Variants in DLGAP2 observed in about 807,000 individuals in gnomAD.
The protein encoded by DLGAP2 is DLG associated protein 2.
In DLGAP2, 26 loss-of-function variants were observed where a neutral mutation model predicts 100.3. The ratio of observed to expected loss-of-function variants is 0.26; its 90% CI spans 0.19 to 0.36. The LOEUF is 0.36. DLGAP2 is among the 10% of genes least tolerant of loss of function. The probability of loss-of-function intolerance (pLI) is 1.00; values close to 1 mark genes in which losing one functional copy is unlikely to be tolerated. For synonymous variants in DLGAP2, 886 were observed against 630.1 expected (o/e 1.41, Z -6.08); for missense variants, 1,858 against 1,453.2 (o/e 1.28, Z -4.53).
chr8:1,545,337 C>A (rs1451542370), intron 4 of DLGAP2, among the ~76,000 whole-genome samples: 1 of 152,198 alleles, frequency 6.6e-6, no homozygotes, highest in African/African-American at 2.4e-5. Flanking sequence ...GTTATACTTA[C>A]AATATGCTAT....
intron 2 of DLGAP2, among the ~76,000 whole-genome samples, chr8:1,190,784 GTGCA>G: frequency 6.6e-6 from 1 of 152,006 alleles, no homozygotes; most frequent in South Asian, 2.1e-4. Flanking sequence ...CAGGTTCCAG[GTGCA>G]CGCAGCAGCA....
At chr8:1,634,084 C>T (rs865930289) in intron 8 of DLGAP2, among the ~76,000 whole-genome samples, 1 of 152,180 alleles carries the variant, frequency 6.6e-6, no homozygotes, top group Admixed American at 6.5e-5. Flanking sequence ...ATAGTAGAGT[C>T]TGTGGATGGA....
At chr8:1,668,184 C>T in intron 8 of DLGAP2, 145 bp from the exon 9 acceptor site, 2 of 669,002 alleles carry the variant, frequency 3.0e-6, no homozygotes, top group Non-Finnish European at 2.5e-6. Context: ...TCTCACTGTC[C>T]CCTCATTTCA....
intron 1 of DLGAP2, among the ~76,000 whole-genome samples, chr8:809,280 T>C (rs141316875): frequency 6.6e-6 from 1 of 152,322 alleles, no homozygotes; most frequent in East Asian, 1.9e-4. Flanking sequence ...TACTGTTGTT[T>C]AATGTCCAAA....
chr8:1,216,186 G>A (rs1220245204), intron 2 of DLGAP2, among the ~76,000 whole-genome samples: 1 of 152,202 alleles, frequency 6.6e-6, no homozygotes, highest in East Asian at 1.9e-4. Flanking sequence ...GGGACTAATA[G>A]CTGCGCTTAA....
At chr8:1,006,364 C>T (rs898576614) in intron 2 of DLGAP2, among the ~76,000 whole-genome samples, 7 of 127,986 alleles carry the variant, frequency 5.5e-5, no homozygotes, top group South Asian at 2.6e-4. Flanking sequence ...TCAAGTCTCG[C>T]GAGGTGGTCC....
At chr8:1,441,785 GT>G (rs200888843) in intron 3 of DLGAP2, among the ~76,000 whole-genome samples, 17,624 of 143,780 alleles carry the variant, frequency 0.12, 1,280 homozygotes, top group East Asian at 0.31. Context: ...AGCTTGACCA[GT>G]TTTTTTTTTT....
chr8:1,407,651 C>T (rs1315766837), intron 3 of DLGAP2, among the ~76,000 whole-genome samples: 25 of 70,296 alleles, frequency 3.6e-4, no homozygotes, highest in African/African-American at 1.3e-3. Flanking sequence ...GCCACCTCCT[C>T]ATCCTCCAGA....
intron 2 of DLGAP2, among the ~76,000 whole-genome samples, chr8:1,108,120 C>T (rs992453172): frequency 2.0e-5 from 3 of 152,114 alleles, no homozygotes; most frequent in African/African-American, 7.2e-5. Context: ...AAAGGATGGA[C>T]TGGACGCTGC....
chr8:968,261 C>T (rs559955995), intron 2 of DLGAP2, among the ~76,000 whole-genome samples: 3 of 152,248 alleles, frequency 2.0e-5, no homozygotes, highest in African/African-American at 4.8e-5. Context: ...GGCCCCTGCC[C>T]CCAACCCCCC....
In DLGAP2 at chr8:1,409,181, G is replaced by A. The variant is rs182117885; in HGVS notation, c.107-92185G>A. Among the ~76,000 whole-genome samples, 769 of 122,088 alleles carry A rather than the reference G, an allele frequency of 6.3e-3. 7 individuals carry two copies. Among genetic ancestry groups the A allele is most frequent in the African/African-American group, 0.022 (726 of 32,420 alleles). 80.1% of individuals were successfully genotyped at this position (122,088 alleles called of 152,430 possible). On this transcript the variant is annotated intron_variant, in intron 3 of 14. Transcript: ENST00000637795. ...CAGTTCCTTCCTCACCATAGCAGGCGCCTGGCTCCCCTTGGACCACTGCCC... is the reference window on the plus strand; with the variant it reads ...CAGTTCCTTCCTCACCATAGCAGGCACCTGGCTCCCCTTGGACCACTGCCC...
intron 4 of DLGAP2, among the ~76,000 whole-genome samples, chr8:1,506,994 T>C (rs1330766007): frequency 6.6e-6 from 1 of 152,216 alleles, no homozygotes; most frequent in Non-Finnish European, 1.5e-5. Flanking sequence ...GATTGGTGCA[T>C]CTACAAACCT....
intron 12 of DLGAP2, among the ~76,000 whole-genome samples, chr8:1,683,509 G>A (rs377175368): frequency 7.6e-4 from 115 of 151,348 alleles, no homozygotes; most frequent in Middle Eastern, 3.4e-3. Context: ...CTAAAGCTCC[G>A]CACCTCTGCT....
chr8:1,432,190 T>G (rs73672703), intron 3 of DLGAP2, among the ~76,000 whole-genome samples: 17 of 152,244 alleles, frequency 1.1e-4, no homozygotes, highest in African/African-American at 3.9e-4. Flanking sequence ...TCTTTCTGCT[T>G]TTTTGCCCCA....
chr8:1,148,265 C>G (rs1235693397), intron 2 of DLGAP2, among the ~76,000 whole-genome samples: 2 of 152,152 alleles, frequency 1.3e-5, no homozygotes, highest in Admixed American at 6.5e-5. Context: ...TTACACCACC[C>G]TCTTAAAATA....
chr8:1,215,857 G>A (rs1382321783), intron 2 of DLGAP2, among the ~76,000 whole-genome samples: 2 of 142,950 alleles, frequency 1.4e-5, no homozygotes, highest in African/African-American at 5.6e-5. Context: ...GGTTCATTTG[G>A]GTGCATCACC....
At chr8:1,235,203 TCATGTCTAGTTCTCTCACACATGG>T (rs745906807) in intron 2 of DLGAP2, among the ~76,000 whole-genome samples, 12,348 of 138,272 alleles carry the variant, frequency 0.089, 560 homozygotes, top group South Asian at 0.15. Context: ...ACACATGGCG[TCATGTCTAGTTCTCTCACACATGG>T]CATGTCTAGT....
chr8:748,360 C>T (rs1473655377), intron 1 of DLGAP2, among the ~76,000 whole-genome samples: 2 of 152,094 alleles, frequency 1.3e-5, no homozygotes, highest in African/African-American at 4.8e-5. Context: ...TGTCTCGCTC[C>T]TCCAAGACTG....
In DLGAP2 at chr8:773,475, C is replaced by T. The variant is rs148886084; in HGVS notation, c.18+35650C>T. On this transcript the variant is annotated intron_variant, in intron 1 of 14. Transcript: ENST00000637795. ...ACTCGTCATCTAGCATTAGGTATAT[C>T]GCCCAGTGCTATCCCTCCCCCCTCC... Among the ~76,000 whole-genome samples, 1,215 of 151,704 alleles carry T rather than the reference C, an allele frequency of 8.0e-3. 14 individuals are homozygous for T. Among genetic ancestry groups the T allele is most frequent in the Non-Finnish European group, 8.9e-3 (604 of 67,946 alleles).
Sources: allele counts gnomAD v4.1 joint callset (sites outside exome capture counted in the v4.1 genomes callset), GRCh38; gene constraint gnomAD v4.1.1; transcripts MANE v1.5; gene names NCBI Gene and HGNC (gene_info 2026-07-23, HGNC 2026-07-21).